MYO16: variants seen among roughly 807,000 people sequenced by gnomAD.
MYO16 encodes unconventional myosin-XVI.
A neutral mutation model predicts 205.3 loss-of-function variants in MYO16; 94 were observed. The observed-to-expected ratio is 0.46, with a 90% confidence interval of 0.39 to 0.54. The LOEUF is 0.54. MYO16 is among the 20% of genes least tolerant of loss of function. The pLI is 0.00. For synonymous variants in MYO16, 988 were observed against 954.0 expected (o/e 1.04, Z -0.66); for missense variants, 2,315 against 2,387.5 (o/e 0.97, Z 0.63).
At chr13:108,526,482 C>CT in the MYO16 span, among the ~76,000 whole-genome samples, 24,223 of 151,922 alleles carry the variant, frequency 0.16, 2,911 homozygotes, top group African/African-American at 0.33. Flanking sequence ...GTGGGGGCAT[C>CT]TTTTTTCCCC....
chr13:108,783,419 T>G (rs1886365902), intron 4 of MYO16, among the ~76,000 whole-genome samples: 2 of 152,212 alleles, frequency 1.3e-5, no homozygotes, highest in Admixed American at 1.3e-4. Flanking sequence ...TAGCTTGCTT[T>G]TGATTTTACA....
chr13:109,103,917 C>A (rs1889046458), intron 28 of MYO16, among the ~76,000 whole-genome samples: 1 of 152,182 alleles, frequency 6.6e-6, no homozygotes, highest in Non-Finnish European at 1.5e-5. Flanking sequence ...TAATTCCTCT[C>A]ATCTACAGAG....
At chr13:108,582,295 C>T in the MYO16 span, among the ~76,000 whole-genome samples, 7 of 152,062 alleles carry the variant, frequency 4.6e-5, no homozygotes, top group Non-Finnish European at 8.8e-5. Context: ...TTAGTTTTTC[C>T]TCTTGACTTT....
At chr13:108,779,963 C>A (rs2138906342) in intron 4 of MYO16, 1 of 152,266 alleles carries the variant, frequency 6.6e-6, no homozygotes, top group East Asian at 1.9e-4. Flanking sequence ...TCATTTATTT[C>A]ATTTTCAAGT....
At chr13:109,177,993 C>T (rs1400227683) in intron 33 of MYO16, among the ~76,000 whole-genome samples, 5 of 152,168 alleles carry the variant, frequency 3.3e-5, no homozygotes, top group African/African-American at 1.2e-4. Flanking sequence ...TCCTTTATTC[C>T]CCTCTAAGAG....
At chr13:108,739,897 C>T (rs942740981) in intron 4 of MYO16, among the ~76,000 whole-genome samples, 2 of 152,178 alleles carry the variant, frequency 1.3e-5, no homozygotes, top group African/African-American at 4.8e-5. Context: ...GATCTTCAGT[C>T]ACTGATACCC....
chr13:108,844,350 C>G lies in MYO16; in HGVS notation c.1105C>G (p.Leu369Val). Residue 369 changes from leucine to valine, a missense_variant, in exon 10 of 35, where the codon CTG (leucine) becomes GTG (valine). Leu to Val is a conservative substitution (Grantham distance 32). Around this residue, in one of 3 missense-constraint regions of MYO16, gnomAD observed 1,213 missense variants for 1,274.4 expected, o/e 0.95. Transcript: ENST00000457511. The part of the protein sequence containing the change: ...LPVLSSKLSP[L>V]VLPIAKQDSL... ...TGATTTTTTTTCCTGTAGCAGTCCC[C>G]TGGTGTTACCAATTGCCAAGCAAGA... 7.4e-6 allele frequency: 12 copies of G among 1,611,794 alleles called. No individual in the cohort carries two copies. Among genetic ancestry groups the G allele is most frequent in the Non-Finnish European group, 1.0e-5 (12 of 1,178,650 alleles).
the MYO16 span, among the ~76,000 whole-genome samples, chr13:108,505,311 C>T: frequency 1.3e-5 from 2 of 152,166 alleles, no homozygotes; most frequent in Admixed American, 6.5e-5. Flanking sequence ...CATATCCTCA[C>T]CAGCACTTGT....
chr13:108,616,805 G>A (rs1189536455), intron 1 of MYO16, among the ~76,000 whole-genome samples: 3 of 152,134 alleles, frequency 2.0e-5, no homozygotes, highest in African/African-American at 4.8e-5. Flanking sequence ...ATCTCCCTAC[G>A]TCTTAATTGA....
chr13:108,994,912 A>G lies in MYO16; in HGVS notation c.2442+2464A>G, dbSNP rs1478142185. ...AGGAAGCTTGACAATTGTTTAGAGTAGGGACACATTTGAGGAGATGTTAAG... is the reference window on the plus strand; with the variant it reads ...AGGAAGCTTGACAATTGTTTAGAGTGGGGACACATTTGAGGAGATGTTAAG... On this transcript the variant is annotated intron_variant, in intron 21 of 34. Transcript: ENST00000457511. Among the ~76,000 whole-genome samples, 4 of 152,314 alleles carry G rather than the reference A, an allele frequency of 2.6e-5. No individual in the cohort carries two copies. In the East Asian group the frequency reaches 7.7e-4, roughly 29 times the overall value.
chr13:108,880,945 A>C (rs1879584658), intron 12 of MYO16, among the ~76,000 whole-genome samples: 1 of 152,166 alleles, frequency 6.6e-6, no homozygotes, highest in African/African-American at 2.4e-5. Context: ...TCTATAAATT[A>C]CCTTGGGCAT....
At chr13:108,964,519 A>G (rs539103323) in intron 19 of MYO16, among the ~76,000 whole-genome samples, 39 of 152,230 alleles carry the variant, frequency 2.6e-4, no homozygotes, top group Non-Finnish European at 5.3e-4. Flanking sequence ...ACAACCTACA[A>G]TAAAGGTGGA....
chr13:108,580,349 G>A, the MYO16 span, among the ~76,000 whole-genome samples: 7 of 152,148 alleles, frequency 4.6e-5, no homozygotes, highest in South Asian at 1.0e-3. Context: ...ACAATTTGAG[G>A]GCAGAATCAT....
intron 23 of MYO16, among the ~76,000 whole-genome samples, chr13:109,023,765 GT>G (rs1019735203): frequency 1.1e-4 from 8 of 74,936 alleles, no homozygotes; most frequent in Middle Eastern, 0.024. Flanking sequence ...ATACAAATAT[GT>G]TTTTATATAC....
At chr13:108,683,242 C>T (rs1022578561) in intron 2 of MYO16, among the ~76,000 whole-genome samples, 37 of 152,070 alleles carry the variant, frequency 2.4e-4, no homozygotes, top group Non-Finnish European at 8.8e-5. Context: ...TTATCCTTCC[C>T]ACTTTAAGCA....
chr13:108,729,846 T>C (rs1355024676), intron 4 of MYO16, among the ~76,000 whole-genome samples: 1 of 152,206 alleles, frequency 6.6e-6, no homozygotes, highest in African/African-American at 2.4e-5. Context: ...GGACTTGCCT[T>C]CTTTCTGTAG....
chr13:108,818,682 A>G (rs1269332132), intron 7 of MYO16, among the ~76,000 whole-genome samples: 1 of 152,186 alleles, frequency 6.6e-6, no homozygotes, highest in African/African-American at 2.4e-5. Flanking sequence ...GTGCATGCAA[A>G]TGGAAACATA....
At chr13:108,611,972 C>CTTTTTTTTT (rs201871787) in intron 1 of MYO16, among the ~76,000 whole-genome samples, 27 of 89,758 alleles carry the variant, frequency 3.0e-4, no homozygotes, top group East Asian at 5.8e-4. Context: ...TTTTTTTTTT[C>CTTTTTTTTT]TTTTTTTTTT....
intron 2 of MYO16, among the ~76,000 whole-genome samples, chr13:108,705,704 ATT>A: frequency 6.6e-6 from 1 of 152,318 alleles, no homozygotes; most frequent in Non-Finnish European, 1.5e-5. Context: ...TATACTGTAT[ATT>A]AGAATCAAAC....
Sources: gnomAD v4.1 joint callset for allele counts (sites outside exome capture counted in the v4.1 genomes callset) on GRCh38, gnomAD v4.1.1 for gene constraint, gnomAD v4.1.1 regional missense constraint, MANE v1.5 for transcripts, NCBI Gene and HGNC (gene_info 2026-07-23, HGNC 2026-07-21) for gene names.